Variants in EYS observed in about 807,000 individuals in gnomAD.
EYS encodes EGF-like photoreceptor maintenance factor, also known as protein eyes shut homolog.
A neutral mutation model predicts 282.1 loss-of-function variants in EYS; 250 were observed. The ratio of observed to expected loss-of-function variants is 0.89; its 90% CI spans 0.80 to 0.98. EYS has a LOEUF of 0.98. EYS is among the 50% of genes least tolerant of loss of function. The pLI is 0.00. For missense variants in EYS, 4,016 were observed against 3,709.0 expected (o/e 1.08, Z -2.15); for synonymous variants, 1,355 against 1,282.9 (o/e 1.06, Z -1.20).
chr6:64,211,599 T>C lies in EYS; in HGVS notation c.6424+18993A>G, dbSNP rs989754848. 2.1e-4 allele frequency among the ~76,000 whole-genome samples: 15 copies of C among 71,966 alleles called. No individual in the cohort carries two copies. The East Asian group carries it at 0.01, about 49-fold the overall frequency. 47.2% of individuals were successfully genotyped at this position (71,966 alleles called of 152,430 possible). A position where few individuals can be genotyped will look rare whatever the true frequency, so the allele number is the denominator to read the frequency against. On this transcript the variant is annotated intron_variant, in intron 31 of 42. Coordinates refer to ENST00000503581, the MANE Select transcript of EYS (RefSeq NM_001142800.2). ...TTTTTTTTCATATATTAATCTAATT[T>C]AATTCATTTATATGCATATATATGA...
intron 33 of EYS, among the ~76,000 whole-genome samples, chr6:64,035,914 G>A (rs1269393745): frequency 2.0e-5 from 3 of 152,094 alleles, no homozygotes; most frequent in Admixed American, 6.6e-5. Context: ...TGGATTCTGG[G>A]CTTAGCTCTG....
intron 30 of EYS, among the ~76,000 whole-genome samples, chr6:64,259,985 T>C (rs1164276716): frequency 6.6e-6 from 1 of 152,090 alleles, no homozygotes; most frequent in Non-Finnish European, 1.5e-5. Flanking sequence ...CAGGAATTCC[T>C]ATATTTATTG....
At chr6:65,069,781 T>C (rs1773853589) in intron 12 of EYS, among the ~76,000 whole-genome samples, 1 of 152,028 alleles carries the variant, frequency 6.6e-6, no homozygotes, top group Admixed American at 6.6e-5. Flanking sequence ...ATTTTTCTTC[T>C]GTGCTTCAAA....
At chr6:64,734,111 A>G (rs1403605902) in intron 22 of EYS, among the ~76,000 whole-genome samples, 2 of 92,908 alleles carry the variant, frequency 2.2e-5, no homozygotes, top group African/African-American at 6.6e-5. Flanking sequence ...CCCATATTGC[A>G]GATATTTTAA....
At chr6:63,759,715 CT>C (rs1401857050) in intron 41 of EYS, among the ~76,000 whole-genome samples, 2 of 152,052 alleles carry the variant, frequency 1.3e-5, no homozygotes, top group Non-Finnish European at 2.9e-5. Context: ...ATGTGCATTG[CT>C]TGCTGTGTTC....
intron 22 of EYS, among the ~76,000 whole-genome samples, chr6:64,644,820 G>A (rs1385467272): frequency 6.6e-6 from 1 of 152,118 alleles, no homozygotes; most frequent in Non-Finnish European, 1.5e-5. Context: ...TATTCTCAGG[G>A]TTAGTGCAAT....
intron 12 of EYS, among the ~76,000 whole-genome samples, chr6:65,135,605 CACTT>C (rs1343493711): frequency 1.1e-4 from 16 of 151,872 alleles, no homozygotes; most frequent in Non-Finnish European, 7.4e-5. Context: ...TTCTGCTAAA[CACTT>C]ACAAGTCTGT....
chr6:64,559,520 CA>C (rs1765334089), intron 26 of EYS, among the ~76,000 whole-genome samples: 1 of 152,044 alleles, frequency 6.6e-6, no homozygotes. Flanking sequence ...TACAAAGTTA[CA>C]TTTTTTTGTG....
intron 13 of EYS, among the ~76,000 whole-genome samples, chr6:64,998,402 C>A (rs185192859): frequency 2.6e-5 from 4 of 152,270 alleles, no homozygotes; most frequent in Admixed American, 2.0e-4. Flanking sequence ...GAAATCTATA[C>A]TCCCATTATG....
At chr6:64,658,621 C>T (rs1194029532) in intron 22 of EYS, among the ~76,000 whole-genome samples, 1 of 152,188 alleles carries the variant, frequency 6.6e-6, no homozygotes, top group Non-Finnish European at 1.5e-5. Flanking sequence ...GAGATCCACT[C>T]CAGACCCTGT....
intron 35 of EYS, among the ~76,000 whole-genome samples, chr6:63,937,223 A>C (rs1034375713): frequency 6.6e-6 from 1 of 152,014 alleles, no homozygotes; most frequent in African/African-American, 2.4e-5. Flanking sequence ...TCTTAGCTTT[A>C]CTAGAGGTAG....
At chr6:65,354,783 C>T (rs1436810878) in intron 8 of EYS, among the ~76,000 whole-genome samples, 3 of 151,834 alleles carry the variant, frequency 2.0e-5, no homozygotes, top group East Asian at 1.9e-4. Flanking sequence ...GATCACACCA[C>T]TGCACTCCAG....
rs148540813 is a variant in EYS, at chr6:65,464,589, G to A, written c.862+26005C>T. ...AAGAAAGTAAAAAGTTTCATCATCC[G>A]TCTACATGCCACCTTTTAATAAATT... is the stretch of plus-strand genomic sequence containing the variant. On this transcript the variant is annotated intron_variant, in intron 5 of 42. Transcript: ENST00000503581. 3.3e-4 allele frequency among the ~76,000 whole-genome samples: 50 copies of A among 152,124 alleles called. No individual in the cohort carries two copies. In the East Asian group the frequency reaches 3.5e-3, roughly 11 times the overall value.
intron 26 of EYS, among the ~76,000 whole-genome samples, chr6:64,550,518 C>A (rs1469029283): frequency 1.3e-5 from 2 of 152,152 alleles, no homozygotes; most frequent in African/African-American, 2.4e-5. Context: ...ACTGAATGAG[C>A]AAAAACTGGA....
Position 64,401,129 on chromosome 6 carries a change from T to C in EYS, c.5928-12289A>G, listed in dbSNP as rs184282354. On this transcript the variant is annotated intron_variant, in intron 28 of 42. Transcript: ENST00000503581. ...CAGGTGTTAGCAAAGACTAAGGAGATAGATGAAATAGGCAAATTCTGTAGA... is the reference window on the plus strand; with the variant it reads ...CAGGTGTTAGCAAAGACTAAGGAGACAGATGAAATAGGCAAATTCTGTAGA... 6.0e-4 allele frequency among the ~76,000 whole-genome samples: 91 copies of C among 152,142 alleles called. 3 individuals carry two copies. The highest frequency in any genetic ancestry group is 7.4e-4 in the Non-Finnish European group (50 of 67,928).
intron 2 of EYS, among the ~76,000 whole-genome samples, chr6:65,578,618 A>G (rs1410153407): frequency 6.6e-6 from 1 of 151,982 alleles, no homozygotes. Flanking sequence ...AAAAAAAATG[A>G]TAAGTGTGTG....
At chr6:64,031,923 T>A (rs917629703) in intron 33 of EYS, among the ~76,000 whole-genome samples, 3 of 152,168 alleles carry the variant, frequency 2.0e-5, no homozygotes, top group Non-Finnish European at 4.4e-5. Flanking sequence ...AGTGGCAACC[T>A]GCTCTGGTCC....
At chr6:64,331,728 T>C (rs1368915326) in intron 29 of EYS, among the ~76,000 whole-genome samples, 1 of 152,172 alleles carries the variant, frequency 6.6e-6, no homozygotes, top group Non-Finnish European at 1.5e-5. Context: ...GTGAGCAATG[T>C]TTAACTTGTG....
intron 2 of EYS, among the ~76,000 whole-genome samples, chr6:65,617,386 T>A (rs1562291242): frequency 6.6e-6 from 1 of 152,240 alleles, no homozygotes; most frequent in East Asian, 1.9e-4. Context: ...CTTCAAAAAC[T>A]ATTCTATCAT....
Sources: allele counts gnomAD v4.1 joint callset (sites outside exome capture counted in the v4.1 genomes callset), GRCh38; gene constraint gnomAD v4.1.1; transcripts MANE v1.5; gene names NCBI Gene and HGNC (gene_info 2026-07-23, HGNC 2026-07-21).